Variants in WDR27 observed in about 807,000 individuals in gnomAD.
WDR27 encodes the protein WD repeat domain 27, also known as WD repeat-containing protein 27.
Under a neutral mutation model 114.4 loss-of-function variants are expected in WDR27, and 100 were observed. That is an observed-to-expected ratio of 0.87 (90% CI 0.74 to 1.03). WDR27 has a LOEUF of 1.03. Ranked by LOEUF, WDR27 falls within the 50% of genes least tolerant of loss-of-function variation. WDR27 has a pLI of 0.00. For missense variants in WDR27, 1,129 were observed against 1,092.9 expected (o/e 1.03, Z -0.47); for synonymous variants, 449 against 423.1 (o/e 1.06, Z -0.75).
chr6:169,629,261 T>C (rs1479044225), intron 21 of WDR27, among the ~76,000 whole-genome samples: 2 of 152,186 alleles, frequency 1.3e-5, no homozygotes, highest in Admixed American at 6.5e-5. Flanking sequence ...AACTCCGAAA[T>C]TATATTTTGC....
chr6:169,586,093 C>T (rs1804500115), intron 23 of WDR27, among the ~76,000 whole-genome samples: 1 of 152,182 alleles, frequency 6.6e-6, no homozygotes, highest in South Asian at 2.1e-4. Flanking sequence ...CTGCTTCTTC[C>T]ATGTCTTCTT....
At chr6:169,504,675 C>G (rs1162183233) in intron 25 of WDR27, among the ~76,000 whole-genome samples, 1 of 152,014 alleles carries the variant, frequency 6.6e-6, no homozygotes, top group Non-Finnish European at 1.5e-5. Context: ...GTGGCGTGAG[C>G]TTGGCTCACT....
chr6:169,583,731 T>A lies in WDR27; in HGVS notation c.2425-797A>T, dbSNP rs143864809. Among the ~76,000 whole-genome samples the A allele has an allele frequency of 4.3e-3, 205 of 47,584 alleles. 4 individuals are homozygous for A. The East Asian group carries it at 0.13, about 30-fold the overall frequency. The allele number at this position is 47,584 out of a possible 152,430, so 31.2% of individuals were successfully genotyped here. A position where few individuals can be genotyped will look rare whatever the true frequency, so the allele number is the denominator to read the frequency against. On this transcript the variant is annotated intron_variant, in intron 23 of 25. Coordinates refer to ENST00000448612, the MANE Select transcript of WDR27 (RefSeq NM_182552.5). ...GTCACATTGCAGCAGGAGGAAGGTG[T>A]CAAAGACAATTCCTTTTTCCCGCAA...
intron 25 of WDR27, among the ~76,000 whole-genome samples, chr6:169,506,726 C>T (rs1338615473): frequency 6.6e-6 from 1 of 152,188 alleles, no homozygotes; most frequent in South Asian, 2.1e-4. Context: ...ATAGATTGTA[C>T]TGCAATCAAA....
intron 5 of WDR27, 22 bp from the exon 6 acceptor site, chr6:169,667,209 T>C: frequency 1.3e-6 from 2 of 1,491,826 alleles, no homozygotes; most frequent in Non-Finnish European, 1.8e-6. Context: ...CACAGGATTC[T>C]TTAGAAGAGG....
chr6:169,629,827 T>C (rs1363897601), intron 21 of WDR27, among the ~76,000 whole-genome samples: 1 of 147,942 alleles, frequency 6.8e-6, no homozygotes, highest in Non-Finnish European at 1.5e-5. Flanking sequence ...CTCGGGAGGC[T>C]GAGGCAGGAG....
At chr6:169,472,980 A>T (rs1195937693) in intron 25 of WDR27, among the ~76,000 whole-genome samples, 1 of 152,222 alleles carries the variant, frequency 6.6e-6, no homozygotes, top group Non-Finnish European at 1.5e-5. Flanking sequence ...CACTGCTACA[A>T]ATTTTATACT....
chr6:169,433,401 C>T, the WDR27 span, among the ~76,000 whole-genome samples: 1,390 of 152,276 alleles, frequency 9.1e-3, 26 homozygotes, highest in African/African-American at 0.032. Flanking sequence ...TCATCCATGT[C>T]CCTGCAAAAG....
intron 25 of WDR27, among the ~76,000 whole-genome samples, chr6:169,546,077 T>A (rs1797425452): frequency 6.6e-6 from 1 of 152,068 alleles, no homozygotes; most frequent in Non-Finnish European, 1.5e-5. Context: ...ATGCAGTATC[T>A]ATCAGACACA....
At chr6:169,469,899 C>T (rs1395830180) in intron 25 of WDR27, among the ~76,000 whole-genome samples, 2 of 152,248 alleles carry the variant, frequency 1.3e-5, no homozygotes, top group African/African-American at 2.4e-5. Flanking sequence ...TTTTTAGCCA[C>T]ACCCTTAGTG....
At chr6:169,686,872 A>C (rs1489935885) in intron 2 of WDR27, among the ~76,000 whole-genome samples, 1 of 152,178 alleles carries the variant, frequency 6.6e-6, no homozygotes, top group Non-Finnish European at 1.5e-5. Context: ...ATTATGTTAA[A>C]TGAAATAAGC....
At chr6:169,673,477 C>G (rs1205661459) in intron 2 of WDR27, among the ~76,000 whole-genome samples, 5 of 151,736 alleles carry the variant, frequency 3.3e-5, no homozygotes, top group Non-Finnish European at 5.9e-5. Context: ...CACAGAGAGA[C>G]ACACATTTTG....
At chr6:169,517,777 C>T (rs1018335958) in intron 25 of WDR27, among the ~76,000 whole-genome samples, 20 of 152,104 alleles carry the variant, frequency 1.3e-4, no homozygotes, top group African/African-American at 3.9e-4. Flanking sequence ...AGTATTGGAC[C>T]TCATTGCCTT....
chr6:169,650,448 CCT>C (rs751446980), intron 14 of WDR27, among the ~76,000 whole-genome samples: 10 of 150,274 alleles, frequency 6.7e-5, no homozygotes, highest in African/African-American at 1.5e-4. Flanking sequence ...TCTCTCCATC[CCT>C]CTTTCCCCTC....
At chr6:169,623,648 C>T (rs558980518) in intron 21 of WDR27, among the ~76,000 whole-genome samples, 2 of 152,310 alleles carry the variant, frequency 1.3e-5, no homozygotes, top group East Asian at 3.9e-4. Flanking sequence ...ATCAACAACC[C>T]ACATTTGGGA....
At position 169,659,125 on chromosome 6, in the gene WDR27, T is replaced by G. The variant is rs1825192513; in HGVS notation, c.1280A>C (p.Gln427Pro). The G allele has an allele frequency of 6.2e-7, 1 of 1,601,652 alleles. No individual in the cohort carries two copies. The change falls in exon 12 of 26, where the codon CAG (glutamine) becomes CCG (proline). Residue 427 changes from glutamine to proline, a missense_variant. Coordinates refer to ENST00000448612, the MANE Select transcript of WDR27 (RefSeq NM_182552.5). The surrounding 1 kb of genome is among the most constrained non-coding windows in gnomAD (Gnocchi z 4.3). ...INPAALVRAQ[Q>P]CPSMGQSLSV... ...GAGGCTCTGCCCCATGCTGGGGCAC[T>G]GCTGAGCCCTGACTAGCGCGGCCGG...
At chr6:169,557,273 C>A (rs1159398748) in intron 25 of WDR27, among the ~76,000 whole-genome samples, 1 of 152,164 alleles carries the variant, frequency 6.6e-6, no homozygotes, top group Non-Finnish European at 1.5e-5. Context: ...TACACAGAGG[C>A]CAAGCAGAGA....
At chr6:169,541,129 C>T (rs1459176395) in intron 25 of WDR27, among the ~76,000 whole-genome samples, 2 of 133,942 alleles carry the variant, frequency 1.5e-5, no homozygotes, top group Admixed American at 1.6e-4. Context: ...TAAGGAAAGG[C>T]AAGAAAAAAA....
At chr6:169,435,917 T>C in the WDR27 span, among the ~76,000 whole-genome samples, 1 of 152,256 alleles carries the variant, frequency 6.6e-6, no homozygotes, top group African/African-American at 2.4e-5. Flanking sequence ...GTCTATCTCA[T>C]GTTGTCACAA....
Sources: gnomAD v4.1 joint callset for allele counts (sites outside exome capture counted in the v4.1 genomes callset) on GRCh38, gnomAD v4.1.1 for gene constraint, Gnocchi (gnomAD v3.1) non-coding constraint, MANE v1.5 for transcripts, NCBI Gene and HGNC (gene_info 2026-07-23, HGNC 2026-07-21) for gene names.